PGD: variants seen among roughly 807,000 people sequenced by gnomAD.
PGD encodes the protein phosphogluconate dehydrogenase.
In PGD, 21 loss-of-function variants were observed where a neutral mutation model predicts 60.4. The ratio of observed to expected loss-of-function variants is 0.35; its 90% CI spans 0.25 to 0.50. The LOEUF (loss-of-function observed/expected upper bound fraction) is 0.50. Among genes scored for constraint, PGD ranks in the 20% least tolerant of loss-of-function variants. The pLI is 0.98. For missense variants in PGD, 477 were observed against 613.1 expected (o/e 0.78, Z 2.34); for synonymous variants, 230 against 235.9 (o/e 0.97, Z 0.23).
At chr1:10,400,814 G>C (rs1180179607) in intron 3 of PGD, among the ~76,000 whole-genome samples, 1 of 152,180 alleles carries the variant, frequency 6.6e-6, no homozygotes, top group African/African-American at 2.4e-5. Context: ...TTAAGGCGGG[G>C]CACAGTGGCT....
chr1:10,401,658 C>T (rs543301791), intron 3 of PGD, among the ~76,000 whole-genome samples: 1 of 152,296 alleles, frequency 6.6e-6, no homozygotes, highest in African/African-American at 2.4e-5. Flanking sequence ...GTGGATTATT[C>T]TTCAGTATAG....
At chr1:10,413,023 A>G (rs1420486844) in intron 7 of PGD, 39 bp from the exon 8 acceptor site, 8 of 1,573,328 alleles carry the variant, frequency 5.1e-6, no homozygotes, top group South Asian at 1.1e-5. Flanking sequence ...CTCAGCCCTC[A>G]TTCCTCTAAC....
intron 8 of PGD, 137 bp downstream of exon 8, chr1:10,413,388 T>A: frequency 1.5e-6 from 1 of 673,158 alleles, no homozygotes; most frequent in Non-Finnish European, 2.5e-6. Flanking sequence ...CTTTCTTGCG[T>A]TGAAGAAACT....
rs556656888 is a variant in PGD at position 10,403,363 on chromosome 1, A to G, written c.330+227A>G. ...TCCCAGCACTTTGGGAGACGGAGGC[A>G]GGTGGACCAAGAGGTCAAGAGATCA... On this transcript the variant is annotated intron_variant, in intron 4 of 12. Coordinates refer to ENST00000270776, the MANE Select transcript of PGD (RefSeq NM_002631.4). Among the ~76,000 whole-genome samples, 266 of 152,148 alleles carry G rather than the reference A, an allele frequency of 1.7e-3. 2 individuals are homozygous for G. The highest frequency in any genetic ancestry group is 1.9e-3 in the Non-Finnish European group (131 of 67,994).
chr1:10,418,644 G>A (rs1467499000), intron 10 of PGD, among the ~76,000 whole-genome samples, 182 bp from the exon 11 acceptor site: 1 of 151,904 alleles, frequency 6.6e-6, no homozygotes, highest in Non-Finnish European at 1.5e-5. Context: ...TTGTAGTGGT[G>A]CGTGCCTGTA....
chr1:10,403,572 CAG>C (rs1429529296), intron 4 of PGD, among the ~76,000 whole-genome samples: 2 of 116,416 alleles, frequency 1.7e-5, no homozygotes, highest in African/African-American at 6.9e-5. Context: ...GCCTGGGCGA[CAG>C]AGTGAAACTC....
At chr1:10,401,474 C>T (rs1052197730) in intron 3 of PGD, among the ~76,000 whole-genome samples, 2 of 152,098 alleles carry the variant, frequency 1.3e-5, no homozygotes, top group African/African-American at 2.4e-5. Context: ...CTAGAGGAGT[C>T]GTGTCAACAG....
At chr1:10,405,234 A>G (rs145613393) in intron 5 of PGD, among the ~76,000 whole-genome samples, 2,493 of 151,586 alleles carry the variant, frequency 0.016, 59 homozygotes, top group African/African-American at 0.056. Context: ...TTAGCCGGGC[A>G]TGGTGGCGTG....
intron 6 of PGD, among the ~76,000 whole-genome samples, chr1:10,411,161 A>G (rs1639493166): frequency 6.6e-6 from 1 of 152,150 alleles, no homozygotes; most frequent in African/African-American, 2.4e-5. Context: ...ATAAGTATTG[A>G]AAGTGAATTC....
chr1:10,414,794 A>G (rs1012142336), intron 8 of PGD, among the ~76,000 whole-genome samples: 2 of 151,920 alleles, frequency 1.3e-5, no homozygotes, highest in African/African-American at 2.4e-5. Flanking sequence ...TGTTCTCACT[A>G]TATTAAAACA....
intron 5 of PGD, among the ~76,000 whole-genome samples, chr1:10,406,262 A>G (rs1639402827): frequency 6.6e-6 from 1 of 152,092 alleles, no homozygotes; most frequent in African/African-American, 2.4e-5. Context: ...TCAGAAGTTT[A>G]AACAGCTGTG....
intron 6 of PGD, among the ~76,000 whole-genome samples, chr1:10,410,677 C>T (rs1016991678): frequency 1.2e-4 from 18 of 152,064 alleles, no homozygotes; most frequent in Non-Finnish European, 2.5e-4. Context: ...AAATAATTTT[C>T]GGATAATCTG....
chr1:10,402,034 T>A (rs1281473946), intron 3 of PGD, among the ~76,000 whole-genome samples: 1 of 150,988 alleles, frequency 6.6e-6, no homozygotes, highest in Non-Finnish European at 1.5e-5. Context: ...AATAAATTAA[T>A]TAATTAATTA....
intron 8 of PGD, among the ~76,000 whole-genome samples, chr1:10,413,785 G>A (rs1318991599): frequency 2.0e-5 from 3 of 152,094 alleles, no homozygotes; most frequent in Non-Finnish European, 4.4e-5. Context: ...CGTGCCTGTA[G>A]TCCCAGCCAC....
intron 10 of PGD, among the ~76,000 whole-genome samples, chr1:10,418,079 CCT>C (rs1182544220): frequency 2.2e-5 from 3 of 133,880 alleles, no homozygotes; most frequent in African/African-American, 5.5e-5. Context: ...TCTGGCCTTG[CCT>C]CTTGGGAATT....
intron 8 of PGD, among the ~76,000 whole-genome samples, chr1:10,415,070 G>A (rs1487751843): frequency 6.7e-6 from 1 of 148,682 alleles, no homozygotes; most frequent in Non-Finnish European, 1.5e-5. Context: ...CAGGCTGGGC[G>A]ACCGAGCAAG....
At chr1:10,399,345 G>A (rs563200923) in intron 1 of PGD, among the ~76,000 whole-genome samples, 2,924 of 152,242 alleles carry the variant, frequency 0.019, 42 homozygotes, top group Non-Finnish European at 0.028. Context: ...GGGGCGGGGC[G>A]GGTCCCTTCG....
chr1:10,399,264 C>T (rs1202877395), intron 1 of PGD, 139 bp downstream of exon 1: 8 of 1,005,886 alleles, frequency 8.0e-6, no homozygotes, highest in African/African-American at 6.5e-5. Flanking sequence ...TGACCCTGGC[C>T]CTACGGCGTC....
chr1:10,415,129 A>G, intron 8 of PGD, among the ~76,000 whole-genome samples: 1 of 151,456 alleles, frequency 6.6e-6, no homozygotes. Context: ...AATAAAACAG[A>G]ATTTTTCCTG....
Sources: allele counts gnomAD v4.1 joint callset (sites outside exome capture counted in the v4.1 genomes callset), GRCh38; gene constraint gnomAD v4.1.1; transcripts MANE v1.5; gene names NCBI Gene and HGNC (gene_info 2026-07-23, HGNC 2026-07-21).